The following MICAL2 variants were observed in gnomAD, a reference collection of about 807,000 sequenced individuals.
MICAL2 encodes the protein microtubule associated monooxygenase, calponin and LIM domain containing 2, also known as [F-actin]-monooxygenase MICAL2.
In MICAL2, 77 loss-of-function variants were observed where a neutral mutation model predicts 127.3. The observed-to-expected ratio is 0.60, with a 90% CI of 0.50 to 0.73. The LOEUF (loss-of-function observed/expected upper bound fraction) is 0.73. Among genes scored for constraint, MICAL2 ranks in the 30% least tolerant of loss-of-function variants. MICAL2 has a pLI of 0.00. For missense variants in MICAL2, 1,351 were observed against 1,434.4 expected, an observed-to-expected ratio of 0.94 and a Z score of 0.94; for synonymous variants, 570 against 551.1, an observed-to-expected ratio of 1.03 and a Z score of -0.48.
rs539369508 is a variant in MICAL2, at chr11:12,165,226, G to T, written c.264+2807G>T. ...TGTCATCTACAGTGAGTGTTGATTT[G>T]TATTCTGGCCATGATACAGGCCCCT... On this transcript the variant is annotated intron_variant, in intron 3 of 27. Transcript: ENST00000683283. 5.3e-5 allele frequency among the ~76,000 whole-genome samples: 8 copies of T among 151,814 alleles called. 1 individual carries two copies. In the South Asian group the frequency reaches 1.5e-3, roughly 28 times the overall value.
rs982990265 is a variant in MICAL2, at chr11:12,142,849, C to T, written c.-78+4389C>T. Among the ~76,000 whole-genome samples, 4 of 152,208 alleles carry T rather than the reference C, an allele frequency of 2.6e-5. No individual in the cohort carries two copies. The East Asian group carries it at 7.7e-4, about 29-fold the overall frequency. ...AACGCAAGGTATCTGACTCTAAAGC[C>T]CTTCCTGGTTCCACATTTCACATGG... On this transcript the variant is annotated intron_variant, in intron 2 of 27. Coordinates refer to ENST00000683283, the MANE Select transcript of MICAL2 (RefSeq NM_001282663.2).
intron 26 of MICAL2, chr11:12,260,333 A>G (rs755835379): frequency 1.2e-5 from 17 of 1,409,812 alleles, no homozygotes; most frequent in Non-Finnish European, 1.6e-5. Flanking sequence ...TGGCCTTATC[A>G]GGGTGAACAT....
At chr11:12,281,478 G>A (rs1007191568) in intron 2 of MICAL2, among the ~76,000 whole-genome samples, 9 of 152,172 alleles carry the variant, frequency 5.9e-5, no homozygotes, top group Admixed American at 1.3e-4. Flanking sequence ...TGAGGGAAGG[G>A]AGCTGGGTCC....
intron 1 of MICAL2, among the ~76,000 whole-genome samples, chr11:12,134,769 C>T (rs376564228): frequency 3.4e-4 from 51 of 152,064 alleles, no homozygotes; most frequent in African/African-American, 1.1e-3. Flanking sequence ...GCTGGAGGAG[C>T]GTTCAAGGCC....
At chr11:12,208,907 G>A (rs924799474) in intron 5 of MICAL2, among the ~76,000 whole-genome samples, 6 of 152,314 alleles carry the variant, frequency 3.9e-5, no homozygotes, top group Admixed American at 3.9e-4. Context: ...GGAGGCTTTA[G>A]TTAGCTTTTG....
intron 22 of MICAL2, among the ~76,000 whole-genome samples, chr11:12,249,493 G>T (rs537689113): frequency 6.6e-6 from 1 of 152,312 alleles, no homozygotes; most frequent in South Asian, 2.1e-4. Flanking sequence ...TTCTTTGCCT[G>T]CCCTCCTACC....
At position 12,262,825 on chromosome 11, in the gene MICAL2, G is replaced by A. The variant is rs943321434; in HGVS notation, c.*17+288G>A. 1.1e-4 allele frequency: 36 copies of A among 332,632 alleles called. 1 individual carries two copies. The highest frequency in any genetic ancestry group is 9.8e-4 in the East Asian group (19 of 19,324). The allele number at this position is 332,632 out of a possible 1,614,324, so 20.6% of individuals were successfully genotyped here. ...CCTGCGTGCATGCTTCTCCAGTTGC[G>A]TCTGCGAAGCTACCTACTTTCTTGG... On this transcript the variant is annotated intron_variant, in intron 27 of 27. Transcript: ENST00000683283.
rs114650945 is a variant in MICAL2, at chr11:12,324,124, C to T, written c.5421+54C>T. The T allele has an allele frequency of 1.8e-4, 285 of 1,573,588 alleles. No individual in the cohort carries two copies. In the African/African-American group the frequency reaches 3.7e-3, roughly 20 times the overall value. On this transcript the variant is annotated intron_variant, in intron 31 of 34. Coordinates refer to the MICAL2 transcript ENST00000646065. ...TGGGCCTGGGTCCAGGATCCTGGGACTCTGGATGGGAAAGAGTTTTGGGGG... is the reference window on the plus strand; with the variant it reads ...TGGGCCTGGGTCCAGGATCCTGGGATTCTGGATGGGAAAGAGTTTTGGGGG...
chr11:12,310,996 T>C (rs564495316), intron 29 of MICAL2, among the ~76,000 whole-genome samples: 73 of 152,304 alleles, frequency 4.8e-4, no homozygotes, highest in Middle Eastern at 3.4e-3. Context: ...TGATTGCTCT[T>C]AGTGTATAGA....
intron 3 of MICAL2, among the ~76,000 whole-genome samples, chr11:12,171,923 T>C (rs1305241679): frequency 6.6e-6 from 1 of 152,158 alleles, no homozygotes; most frequent in African/African-American, 2.4e-5. Flanking sequence ...ATGTAGTAAA[T>C]ATAAAAAATG....
intron 29 of MICAL2, among the ~76,000 whole-genome samples, chr11:12,310,686 A>AT (rs373060379): frequency 8.3e-4 from 124 of 149,754 alleles, no homozygotes; most frequent in African/African-American, 1.4e-3. Flanking sequence ...AAATTTTAGG[A>AT]TTTTTTTTTT....
At chr11:12,276,290 TG>T (rs1863721696) in intron 1 of MICAL2, 2 of 397,546 alleles carry the variant, frequency 5.0e-6, no homozygotes, top group Non-Finnish European at 8.8e-6. Flanking sequence ...TTTCCTCATC[TG>T]TAAAATGGCG....
rs1027348231 is a variant in MICAL2, at chr11:12,324,166, G to A, written c.5421+96G>A. 6.4e-6 allele frequency: 9 copies of A among 1,406,510 alleles called. No individual in the cohort carries two copies. The African/African-American group carries it at 8.8e-5, about 14-fold the overall frequency. 87.1% of individuals were successfully genotyped at this position (1,406,510 alleles called of 1,614,324 possible). A position where few individuals can be genotyped will look rare whatever the true frequency, so the allele number is the denominator to read the frequency against. ...TTTTGGGGGTCTGCATTGTATTAGG[G>A]AAAGCAGGCTGGAGAAAGGTCAGTC... On this transcript the variant is annotated intron_variant, in intron 31 of 34. Transcript: ENST00000646065.
Position 12,256,787 on chromosome 11 carries a change from A to G in MICAL2, c.2958A>G (p.Glu986=), listed in dbSNP as rs745352441. The part of the protein sequence containing the change: ...PKAQATSPDL[E]SMRKSFPLNL... Reference sequence around the variant, plus strand: ...CACTCTTCTCTCCCGATCCCCAGGAATCTATGCGAAAGTCATTTCCCCTTA... The same window carrying G: ...CACTCTTCTCTCCCGATCCCCAGGAGTCTATGCGAAAGTCATTTCCCCTTA... The change falls in exon 24 of 28, where the codon GAA becomes GAG. Residue 986 remains glutamate (E), a splice_region_variant and synonymous_variant. Transcript: ENST00000683283. The G allele has an allele frequency of 2.7e-5, 44 of 1,609,432 alleles. No homozygotes were observed. The East Asian group carries it at 9.6e-4, about 35-fold the overall frequency.
At chr11:12,228,337 A>C (rs1300859902) in intron 15 of MICAL2, among the ~76,000 whole-genome samples, 3 of 152,132 alleles carry the variant, frequency 2.0e-5, no homozygotes, top group African/African-American at 4.8e-5. Flanking sequence ...CTTAAAAAAA[A>C]CAAAAAATTG....
chr11:12,244,030 C>A lies in MICAL2; in HGVS notation c.2702C>A (p.Ser901Tyr). The A allele has an allele frequency of 6.2e-7, 1 of 1,613,802 alleles. No homozygotes were observed. Among genetic ancestry groups the A allele is most frequent in the South Asian group, 1.1e-5 (1 of 91,074 alleles). ...SKGLSHTHPPSPPSRLPSPDP... is the reference protein window; with the variant it reads ...SKGLSHTHPPYPPSRLPSPDP... ...GGCCTGTCTCATACTCATCCTCCAT[C>A]TCCTCCCTCTCGCCTTCCGTCTCCT... The change falls in exon 21 of 28, where the codon TCT (serine) becomes TAT (tyrosine). Residue 901 changes from serine to tyrosine, a missense_variant. By Grantham distance (144) the Ser-to-Tyr change is moderately radical. Transcript: ENST00000683283.
At chr11:12,232,418 C>G (rs115564880) in intron 15 of MICAL2, among the ~76,000 whole-genome samples, 3,266 of 152,244 alleles carry the variant, frequency 0.021, 126 homozygotes, top group African/African-American at 0.075. Flanking sequence ...AAGTAGAACT[C>G]AGATGTTTAA....
At chr11:12,338,172 C>A (rs1938800124) in intron 32 of MICAL2, among the ~76,000 whole-genome samples, 1 of 152,124 alleles carries the variant, frequency 6.6e-6, no homozygotes, top group African/African-American at 2.4e-5. Flanking sequence ...GGATAGTTAG[C>A]TCTTCTTGTT....
chr11:12,199,703 C>G (rs1860426128), intron 3 of MICAL2, among the ~76,000 whole-genome samples: 1 of 152,190 alleles, frequency 6.6e-6, no homozygotes, highest in South Asian at 2.1e-4. Context: ...CCGCCCAGTC[C>G]TTGTGTCCTG....
Sources: allele counts gnomAD v4.1 joint callset (sites outside exome capture counted in the v4.1 genomes callset), GRCh38; gene constraint gnomAD v4.1.1; transcripts MANE v1.5; gene names NCBI Gene and HGNC (gene_info 2026-07-23, HGNC 2026-07-21).